SOX7: variants seen among roughly 807,000 people sequenced by gnomAD.
The protein encoded by SOX7 is SRY-box transcription factor 7.
A neutral mutation model predicts 24.9 loss-of-function variants in SOX7; 19 were observed. That is an observed-to-expected ratio of 0.76 (90% confidence interval 0.53 to 1.12). SOX7 has a LOEUF of 1.12. SOX7 is among the 50% of genes most tolerant of loss of function. The probability of loss-of-function intolerance (pLI) is 0.00; values close to 1 mark genes in which losing one functional copy is unlikely to be tolerated. For synonymous variants in SOX7, 327 were observed against 244.5 expected (o/e 1.34, Z -3.15); for missense variants, 702 against 535.0 (o/e 1.31, Z -3.08).
rs749906964 is a variant in SOX7, at chr8:10,725,821, G to C, written c.1084C>G (p.Pro362Ala). 1.2e-6 allele frequency: 2 copies of C among 1,614,118 alleles called. No homozygotes were observed. Among genetic ancestry groups the C allele is most frequent in the Non-Finnish European group, 1.7e-6 (2 of 1,180,048 alleles). Reference protein sequence around the residue: ...SGHVPVSQVTPTGPTETSLIS... With the variant: ...SGHVPVSQVTATGPTETSLIS... Reference sequence around the variant, plus strand: ...AGGCTGGTCTCTGTGGGACCCGTTGGTGTCACCTGGGAGACCGGAACATGC... The same window carrying C: ...AGGCTGGTCTCTGTGGGACCCGTTGCTGTCACCTGGGAGACCGGAACATGC... The change falls in exon 2 of 2, where the codon CCA becomes GCA. Residue 362 changes from proline to alanine, a missense_variant. By Grantham distance (27) the Pro-to-Ala change is conservative. Transcript: ENST00000304501.
rs1800094499 is a variant in SOX7, at chr8:10,723,959, T to A, written c.*1779A>T. 1 of 152,598 alleles carries A rather than the reference T, an allele frequency of 6.6e-6. No individual in the cohort carries two copies. The highest frequency in any genetic ancestry group is 2.4e-5 in the African/African-American group (1 of 41,448). 9.5% of individuals were successfully genotyped at this position (152,598 alleles called of 1,614,324 possible). A position where few individuals can be genotyped will look rare whatever the true frequency, so the allele number is the denominator to read the frequency against. ...AATCATATCATCAACAATTTACTAT[T>A]TATTACCAAATGGCATATAAAGTAA... On this transcript the variant is annotated 3_prime_UTR_variant, in exon 2 of 2. Coordinates refer to ENST00000304501, the MANE Select transcript of SOX7 (RefSeq NM_031439.4).
chr8:10,726,115 G>A lies in SOX7; in HGVS notation c.790C>T (p.Gln264Ter). The A allele has an allele frequency of 1.3e-6, 2 of 1,573,950 alleles. No homozygotes were observed. Among genetic ancestry groups the A allele is most frequent in the Non-Finnish European group, 1.7e-6 (2 of 1,161,240 alleles). The change falls in exon 2 of 2, where the codon CAG (glutamine) becomes TAG (stop). Residue 264 changes from glutamine to a stop codon, truncating the protein, a stop_gained. Coordinates refer to ENST00000304501, the MANE Select transcript of SOX7 (RefSeq NM_031439.4). LOFTEE classifies it high-confidence loss of function. ...GACATCATGGAGACGCCGGGGGACT[G>A]GCCAAGGGCCAGGGAGCCCAGGGGG... ...SHPLGSLALG[Q>*]SPGVSMMSPV...
rs1353613090 is a variant in SOX7, at chr8:10,726,748, G to A, written c.239-82C>T. The A allele has an allele frequency of 3.2e-6, 4 of 1,253,742 alleles. No homozygotes were observed. The East Asian group carries it at 7.2e-5, about 23-fold the overall frequency. 77.7% of individuals were successfully genotyped at this position (1,253,742 alleles called of 1,614,324 possible). ...CATGCACACGCGTGCACACACACGT[G>A]CACATGCACACACACCTCCCTTCCC... is the stretch of plus-strand genomic sequence containing the variant. On this transcript the variant is annotated intron_variant, in intron 1 of 1. Transcript: ENST00000304501.
In SOX7 at chr8:10,725,939, T is replaced by G. The variant is rs200488622; in HGVS notation, c.966A>C (p.Glu322Asp). The G allele has an allele frequency of 1.3e-5, 21 of 1,613,204 alleles. No homozygotes were observed. The highest frequency in any genetic ancestry group is 1.6e-5 in the Non-Finnish European group (19 of 1,179,536). The part of the protein sequence containing the change: ...FDALDQLSQV[E>D]LLGDMDRNEF... The stretch of plus-strand genomic sequence containing the variant: ...CATTGCGATCCATGTCCCCCAGGAG[T>G]TCCACCTGGCTCAGTTGATCCAGGG... Residue 322 changes from glutamate to aspartate, a missense_variant, in exon 2 of 2, where the codon GAA (glutamate) becomes GAC (aspartate). Physicochemically the swap from Glu to Asp is conservative, Grantham distance 45 (BLOSUM62 2). Coordinates refer to ENST00000304501, the MANE Select transcript of SOX7 (RefSeq NM_031439.4).
In SOX7 at chr8:10,725,614, C is replaced by G; in HGVS notation, c.*124G>C. ...CAGCTTAGGCCAAAGGCTCTGGGGC[C>G]GCAGTTCAGACCTCCCTGCCCTGAG... On this transcript the variant is annotated 3_prime_UTR_variant, in exon 2 of 2. Transcript: ENST00000304501. 3 of 1,006,818 alleles carry G rather than the reference C, an allele frequency of 3.0e-6. No homozygotes were observed. Among genetic ancestry groups the G allele is most frequent in the Non-Finnish European group, 4.4e-6 (3 of 679,672 alleles). The allele number at this position is 1,006,818 out of a possible 1,614,324, so 62.4% of individuals were successfully genotyped here.
intron 1 of SOX7, among the ~76,000 whole-genome samples, chr8:10,729,873 C>T (rs970524576): frequency 2.0e-5 from 3 of 152,114 alleles, no homozygotes; most frequent in African/African-American, 7.2e-5. Context: ...GCACGCCGGT[C>T]CCTGTCGCCA....
In SOX7 at chr8:10,730,088, G is replaced by C; in HGVS notation, c.238+108C>G. ...CGGGCACGAAGAGGGCCCTCGTCCC[G>C]CGTGCCGGGTCTTCCCCAGGCTCCG... is the stretch of plus-strand genomic sequence containing the variant. On this transcript the variant is annotated intron_variant, in intron 1 of 1. Transcript: ENST00000304501. This position sits in a 1 kb window ranked among gnomAD's most constrained non-coding sequence, Gnocchi z 4.8. 2.6e-6 allele frequency: 2 copies of C among 770,894 alleles called. No homozygotes were observed. The highest frequency in any genetic ancestry group is 3.6e-6 in the Non-Finnish European group (2 of 560,350). The allele number at this position is 770,894 out of a possible 1,614,324, so 47.8% of individuals were successfully genotyped here. A position where few individuals can be genotyped will look rare whatever the true frequency, so the allele number is the denominator to read the frequency against.
intron 1 of SOX7, among the ~76,000 whole-genome samples, chr8:10,729,869 C>G (rs1218841990): frequency 6.6e-6 from 1 of 152,118 alleles, no homozygotes; most frequent in Non-Finnish European, 1.5e-5. Context: ...CCATGCACGC[C>G]GGTCCCTGTC....
At position 10,725,499 on chromosome 8, in the gene SOX7, A is replaced by T; in HGVS notation, c.*239T>A. On this transcript the variant is annotated 3_prime_UTR_variant, in exon 2 of 2. Coordinates refer to ENST00000304501, the MANE Select transcript of SOX7 (RefSeq NM_031439.4). ...CAGCAACTCTCAGGGGCTGGAGGAAAACTCACTTGAAGGAATATACTTAAA... is the reference window on the plus strand; with the variant it reads ...CAGCAACTCTCAGGGGCTGGAGGAATACTCACTTGAAGGAATATACTTAAA... The T allele has an allele frequency of 3.5e-6, 2 of 564,244 alleles. No individual in the cohort carries two copies. Among genetic ancestry groups the T allele is most frequent in the South Asian group, 2.2e-5 (1 of 45,690 alleles). 35.0% of individuals were successfully genotyped at this position (564,244 alleles called of 1,614,324 possible). A position where few individuals can be genotyped will look rare whatever the true frequency, so the allele number is the denominator to read the frequency against.
At chr8:10,729,636 CT>C (rs1254784696) in intron 1 of SOX7, 1 of 152,194 alleles carries the variant, frequency 6.6e-6, no homozygotes, top group Non-Finnish European at 1.5e-5. Flanking sequence ...TTTGGGTAAG[CT>C]TTTTCTTTTG....
rs1484834657 is a variant in SOX7, at chr8:10,726,441, G to C, written c.464C>G (p.Ala155Gly). ...ACCCCTGTCCTCCTTCTCCCCCAGC[G>C]CCCCCCGGCTGCCGCTTCTCTTCTC... is the stretch of plus-strand genomic sequence containing the variant. ...LPEKRSGSRG[A>G]LGEKEDRGEY... Residue 155 changes from alanine (A) to glycine (G), a missense_variant, in exon 2 of 2, where the codon GCG becomes GGG. By Grantham distance (60) the Ala-to-Gly change is moderately conservative. Coordinates refer to ENST00000304501, the MANE Select transcript of SOX7 (RefSeq NM_031439.4). The C allele has an allele frequency of 6.2e-7, 1 of 1,611,934 alleles. No individual in the cohort carries two copies. The highest frequency in any genetic ancestry group is 8.5e-7 in the Non-Finnish European group (1 of 1,179,616).
intron 1 of SOX7, among the ~76,000 whole-genome samples, chr8:10,728,239 T>C (rs1800193243): frequency 6.6e-6 from 1 of 152,222 alleles, no homozygotes; most frequent in Non-Finnish European, 1.5e-5. Flanking sequence ...TACGTGTTCA[T>C]TTAAAAATGC....
Position 10,725,948 on chromosome 8 carries a change from G to T in SOX7, c.957C>A (p.Ser319Arg), listed in dbSNP as rs776183896. The change falls in exon 2 of 2, where the codon AGC (serine) becomes AGA (arginine). Residue 319 changes from serine to arginine, a missense_variant. Ser to Arg is a moderately radical substitution (Grantham distance 110, BLOSUM62 -1). Coordinates refer to ENST00000304501, the MANE Select transcript of SOX7 (RefSeq NM_031439.4). The stretch of plus-strand genomic sequence containing the variant: ...CCATGTCCCCCAGGAGTTCCACCTG[G>T]CTCAGTTGATCCAGGGCGTCGAAGC... ...HPGFDALDQLSQVELLGDMDR... is the reference protein window; with the variant it reads ...HPGFDALDQLRQVELLGDMDR... The T allele has an allele frequency of 1.9e-6, 3 of 1,612,912 alleles. No homozygotes were observed. In the South Asian group the frequency reaches 3.3e-5, roughly 18 times the overall value.
At position 10,730,049 on chromosome 8, in the gene SOX7, G is replaced by T; in HGVS notation, c.238+147C>A. On this transcript the variant is annotated intron_variant, in intron 1 of 1. Transcript: ENST00000304501. This position sits in a 1 kb window ranked among gnomAD's most constrained non-coding sequence, Gnocchi z 4.8. ...CACCGCGAGCACCCACGCTCGCGCA[G>T]ATGGCCAGCCACGCGGGCACGAAGA... 2.1e-6 allele frequency: 1 copy of T among 473,828 alleles called. No individual in the cohort carries two copies. The highest frequency in any genetic ancestry group is 3.3e-6 in the Non-Finnish European group (1 of 301,470). The allele number at this position is 473,828 out of a possible 1,614,324, so 29.4% of individuals were successfully genotyped here. A position where few individuals can be genotyped will look rare whatever the true frequency, so the allele number is the denominator to read the frequency against.
In SOX7 at chr8:10,725,837, C is replaced by T. The variant is rs541213618; in HGVS notation, c.1068G>A (p.Pro356=). The part of the protein sequence containing the change: ...TGAMALSGHV[P]VSQVTPTGPT... ...GACCCGTTGGTGTCACCTGGGAGAC[C>T]GGAACATGCCCACTGAGGGCCATGG... Residue 356 remains proline, a synonymous_variant, in exon 2 of 2, where the codon CCG becomes CCA. Transcript: ENST00000304501. 23 of 1,614,030 alleles carry T rather than the reference C, an allele frequency of 1.4e-5. No homozygotes were observed. Among genetic ancestry groups the T allele is most frequent in the South Asian group, 9.9e-5 (9 of 91,068 alleles).
At chr8:10,726,767 C>T in intron 1 of SOX7, 101 bp from the exon 2 acceptor site, 1 of 1,072,248 alleles carries the variant, frequency 9.3e-7, no homozygotes, top group Non-Finnish European at 1.3e-6. Flanking sequence ...CACACACCTC[C>T]CTTCCCCCTC....
chr8:10,730,254 C>T lies in SOX7; in HGVS notation c.180G>A (p.Arg60=), dbSNP rs549199093. 8.2e-6 allele frequency: 13 copies of T among 1,577,520 alleles called. No individual in the cohort carries two copies. The highest frequency in any genetic ancestry group is 6.9e-6 in the Non-Finnish European group (8 of 1,163,708). ...NAFMVWAKDE[R]KRLAVQNPDL... is the part of the protein sequence containing the mutation. ...CCGGGTTCTGCACTGCCAGCCGTTT[C>T]CTCTCGTCCTTGGCCCAAACCATGA... Residue 60 remains arginine (R), a synonymous_variant, in exon 1 of 2, where the codon AGG becomes AGA. Transcript: ENST00000304501. This position sits in a 1 kb window ranked among gnomAD's most constrained non-coding sequence, Gnocchi z 4.8.
chr8:10,725,642 G>A lies in SOX7; in HGVS notation c.*96C>T. 3.7e-6 allele frequency: 5 copies of A among 1,348,414 alleles called. No homozygotes were observed. Among genetic ancestry groups the A allele is most frequent in the South Asian group, 2.6e-5 (2 of 77,916 alleles). 83.5% of individuals were successfully genotyped at this position (1,348,414 alleles called of 1,614,324 possible). A position where few individuals can be genotyped will look rare whatever the true frequency, so the allele number is the denominator to read the frequency against. ...AGTTCAGACCTCCCTGCCCTGAGCGGTGGGAGGAAAGCTGGTGTGGCTGGA... is the reference window on the plus strand; with the variant it reads ...AGTTCAGACCTCCCTGCCCTGAGCGATGGGAGGAAAGCTGGTGTGGCTGGA... On this transcript the variant is annotated 3_prime_UTR_variant, in exon 2 of 2. Coordinates refer to ENST00000304501, the MANE Select transcript of SOX7 (RefSeq NM_031439.4).
In SOX7 at chr8:10,725,653, G is replaced by T; in HGVS notation, c.*85C>A. The T allele has an allele frequency of 6.9e-7, 1 of 1,444,124 alleles. No individual in the cohort carries two copies. Among genetic ancestry groups the T allele is most frequent in the Non-Finnish European group, 9.6e-7 (1 of 1,045,246 alleles). 89.5% of individuals were successfully genotyped at this position (1,444,124 alleles called of 1,614,324 possible). ...CCCTGCCCTGAGCGGTGGGAGGAAA[G>T]CTGGTGTGGCTGGACGGCTCCTCTG... is the stretch of plus-strand genomic sequence containing the variant. On this transcript the variant is annotated 3_prime_UTR_variant, in exon 2 of 2. Coordinates refer to ENST00000304501, the MANE Select transcript of SOX7 (RefSeq NM_031439.4).
Sources: gnomAD v4.1 joint callset for allele counts (sites outside exome capture counted in the v4.1 genomes callset) on GRCh38, gnomAD v4.1.1 for gene constraint, Gnocchi (gnomAD v3.1) non-coding constraint, MANE v1.5 for transcripts, NCBI Gene and HGNC (gene_info 2026-07-23, HGNC 2026-07-21) for gene names.